ZNF33B: variants seen among roughly 807,000 people sequenced by gnomAD.
ZNF33B encodes the protein zinc finger protein 11b (KOX 2).
A neutral mutation model predicts 45.8 loss-of-function variants in ZNF33B; 29 were observed. That is an observed-to-expected ratio of 0.63 (90% CI 0.47 to 0.86). The LOEUF is 0.86. Among genes scored for constraint, ZNF33B ranks in the 40% least tolerant of loss-of-function variants. ZNF33B has a pLI of 0.00. For synonymous variants in ZNF33B, 305 were observed against 307.8 expected (o/e 0.99, Z 0.10); for missense variants, 831 against 909.9 (o/e 0.91, Z 1.12).
chr10:42,628,461 T>C (rs1164824215), intron 4 of ZNF33B, among the ~76,000 whole-genome samples: 1 of 151,260 alleles, frequency 6.6e-6, no homozygotes, highest in Non-Finnish European at 1.5e-5. Flanking sequence ...ACAATTAAAA[T>C]GTGCTTTTCT....
intron 4 of ZNF33B, among the ~76,000 whole-genome samples, chr10:42,621,131 G>A (rs1838561057): frequency 6.9e-6 from 1 of 145,022 alleles, no homozygotes; most frequent in Non-Finnish European, 1.5e-5. Flanking sequence ...AGACCAGCAT[G>A]AGCAACATAG....
intron 1 of ZNF33B, among the ~76,000 whole-genome samples, chr10:42,575,935 C>T (rs1169133269): frequency 6.8e-6 from 1 of 147,390 alleles, no homozygotes; most frequent in Admixed American, 6.9e-5. Context: ...TCTTGTCCCC[C>T]AGACTGGAGT....
chr10:42,602,322 T>C (rs1837664346), intron 4 of ZNF33B, among the ~76,000 whole-genome samples: 1 of 152,090 alleles, frequency 6.6e-6, no homozygotes, highest in Admixed American at 6.6e-5. Flanking sequence ...TTTTTTTTTT[T>C]TAATCTTCTG....
chr10:42,575,359 C>A (rs1836732877), intron 1 of ZNF33B, among the ~76,000 whole-genome samples: 1 of 152,024 alleles, frequency 6.6e-6, no homozygotes, highest in African/African-American at 2.4e-5. Flanking sequence ...AAATGAGAAA[C>A]CACCAGGAGC....
chr10:42,589,546 TAGAA>T lies in ZNF33B; in HGVS notation c.*3063_*3066del, dbSNP rs1259766756. The T allele has an allele frequency of 6.6e-6, 1 of 152,216 alleles. No individual in the cohort carries two copies. Among genetic ancestry groups the T allele is most frequent in the Non-Finnish European group, 1.5e-5 (1 of 68,034 alleles). 9.4% of individuals were successfully genotyped at this position (152,216 alleles called of 1,614,324 possible). On this transcript the variant is annotated 3_prime_UTR_variant, in exon 5 of 5. Coordinates refer to ENST00000359467, the MANE Select transcript of ZNF33B (RefSeq NM_006955.3). The stretch of plus-strand genomic sequence containing the variant: ...GTCATATAATTGCAATCATACAACA[TAGAA>T]AGCCTTTTCAGATTGGTTTTCACTT...
chr10:42,616,975 T>G (rs1238845918), intron 4 of ZNF33B, among the ~76,000 whole-genome samples: 1 of 151,836 alleles, frequency 6.6e-6, no homozygotes, highest in Non-Finnish European at 1.5e-5. Flanking sequence ...ATTACAGGCA[T>G]GAACCAACGC....
intron 1 of ZNF33B, among the ~76,000 whole-genome samples, chr10:42,575,928 T>G (rs1836743257): frequency 6.7e-6 from 1 of 148,436 alleles, no homozygotes; most frequent in Non-Finnish European, 1.5e-5. Context: ...GTCTCGCTCT[T>G]GTCCCCCAGA....
intron 4 of ZNF33B, among the ~76,000 whole-genome samples, chr10:42,616,212 GAC>G (rs1204540900): frequency 6.6e-6 from 1 of 151,946 alleles, no homozygotes; most frequent in Non-Finnish European, 1.5e-5. Flanking sequence ...CAGCCTGGGT[GAC>G]AGAGTGAAAC....
chr10:42,583,168 G>T (rs763406335), intron 1 of ZNF33B: 1 of 776,712 alleles, frequency 1.3e-6, no homozygotes, highest in African/African-American at 1.7e-5. Flanking sequence ...GAAAATGTCT[G>T]TCTTAGGGTT....
chr10:42,620,797 A>G (rs1181439257), intron 4 of ZNF33B, among the ~76,000 whole-genome samples: 1 of 152,144 alleles, frequency 6.6e-6, no homozygotes, highest in Non-Finnish European at 1.5e-5. Context: ...CTGATAAAAG[A>G]TATTCCATGA....
chr10:42,593,750 G>C lies in ZNF33B; in HGVS notation c.1200C>G (p.Leu400=). 6.2e-7 allele frequency: 1 copy of C among 1,613,718 alleles called. No homozygotes were observed. The highest frequency in any genetic ancestry group is 8.5e-7 in the Non-Finnish European group (1 of 1,179,864). The change falls in exon 5 of 5, where the codon CTC becomes CTG. Residue 400 remains leucine (L), a synonymous_variant. Coordinates refer to ENST00000359467, the MANE Select transcript of ZNF33B (RefSeq NM_006955.3). ...CGKAFSHKSA[L]TLHQRTHTGE... is the part of the protein sequence containing the mutation. ...CTGTATGTGTTCTCTGGTGTAATGT[G>C]AGGGCTGACTTATGGCTAAAGGCTT...
At chr10:42,612,400 C>T (rs1004362819) in intron 4 of ZNF33B, among the ~76,000 whole-genome samples, 2 of 151,980 alleles carry the variant, frequency 1.3e-5, no homozygotes, top group African/African-American at 4.8e-5. Context: ...CCACGCCCAG[C>T]TTATTTGGTA....
At chr10:42,631,216 T>C (rs1839038060) in intron 4 of ZNF33B, among the ~76,000 whole-genome samples, 1 of 152,164 alleles carries the variant, frequency 6.6e-6, no homozygotes, top group African/African-American at 2.4e-5. Context: ...ATTTATTTAC[T>C]TATTTTTGAG....
intron 4 of ZNF33B, among the ~76,000 whole-genome samples, chr10:42,596,892 A>G (rs1242794052): frequency 6.6e-6 from 1 of 151,792 alleles, no homozygotes; most frequent in African/African-American, 2.4e-5. Context: ...AGACATTTCT[A>G]CTTCTTTTCC....
intron 2 of ZNF33B, among the ~76,000 whole-genome samples, chr10:42,634,825 A>C (rs756399324): frequency 1.3e-5 from 2 of 152,266 alleles, no homozygotes; most frequent in Non-Finnish European, 2.9e-5. Context: ...ATATTTTAAA[A>C]GATAACAAAA....
intron 4 of ZNF33B, among the ~76,000 whole-genome samples, chr10:42,630,118 A>T (rs1838985089): frequency 6.6e-6 from 1 of 152,066 alleles, no homozygotes; most frequent in Non-Finnish European, 1.5e-5. Flanking sequence ...CCTTCTTGTT[A>T]TTTCCTTTCT....
chr10:42,581,065 T>C (rs989413430), intron 1 of ZNF33B, among the ~76,000 whole-genome samples: 1 of 152,100 alleles, frequency 6.6e-6, no homozygotes, highest in African/African-American at 2.4e-5. Flanking sequence ...TTATATCAAA[T>C]GCTATAATCC....
intron 4 of ZNF33B, among the ~76,000 whole-genome samples, chr10:42,607,874 C>T (rs890570933): frequency 3.3e-5 from 5 of 151,950 alleles, no homozygotes; most frequent in African/African-American, 4.8e-5. Context: ...ATAGCAATAA[C>T]GACAGGAAAA....
At chr10:42,586,124 G>T (rs1836929728), downstream of ZNF33B, among the ~76,000 whole-genome samples, 1 of 150,590 alleles carries the variant, frequency 6.6e-6, no homozygotes, top group Non-Finnish European at 1.5e-5. Flanking sequence ...ACTTCCAGAT[G>T]ATCGGCACAG....
Sources: gnomAD v4.1 joint callset for allele counts (sites outside exome capture counted in the v4.1 genomes callset) on GRCh38, gnomAD v4.1.1 for gene constraint, MANE v1.5 for transcripts, NCBI Gene and HGNC (gene_info 2026-07-23, HGNC 2026-07-21) for gene names.